The following FHL2 variants were observed in gnomAD, a reference collection of about 807,000 sequenced individuals.
The protein encoded by FHL2 is four and a half LIM domains protein 2.
Under a neutral mutation model 32.7 loss-of-function variants are expected in FHL2, and 20 were observed. That is an observed-to-expected ratio of 0.61 (90% CI 0.43 to 0.89). The LOEUF (loss-of-function observed/expected upper bound fraction) is 0.89, where lower values mean the gene tolerates loss of function less well. FHL2 is among the 40% of genes least tolerant of loss of function. The pLI, the probability that FHL2 is intolerant of heterozygous loss-of-function variation, is 0.00. For synonymous variants in FHL2, 123 were observed against 128.1 expected (o/e 0.96, Z 0.27); for missense variants, 311 against 358.6 (o/e 0.87, Z 1.07).
intron 1 of FHL2, among the ~76,000 whole-genome samples, chr2:105,419,123 C>T (rs1914748): frequency 0.48 from 72,699 of 152,062 alleles, 17,604 homozygotes; most frequent in Middle Eastern, 0.6. Context: ...ACATGTAGAT[C>T]TATAGAAGGC....
chr2:105,400,517 C>A (rs955321275), upstream of FHL2, among the ~76,000 whole-genome samples: 6 of 152,128 alleles, frequency 3.9e-5, no homozygotes, highest in Non-Finnish European at 7.3e-5. Context: ...AGGCTCCCAG[C>A]CCCTGACAGC....
At chr2:105,405,069 G>T (rs1230893649) in intron 1 of FHL2, among the ~76,000 whole-genome samples, 2 of 152,156 alleles carry the variant, frequency 1.3e-5, no homozygotes, top group Non-Finnish European at 2.9e-5. Flanking sequence ...GTTCATTTGG[G>T]CCAGTAAATG....
intron 1 of FHL2, among the ~76,000 whole-genome samples, chr2:105,435,826 C>T (rs1684591767): frequency 6.6e-6 from 1 of 152,016 alleles, no homozygotes; most frequent in Admixed American, 6.6e-5. Context: ...CTTCTCAAAA[C>T]ATAAATAAAT....
intron 1 of FHL2, among the ~76,000 whole-genome samples, chr2:105,416,241 A>G (rs1434513959): frequency 6.6e-6 from 1 of 152,250 alleles, no homozygotes; most frequent in East Asian, 1.9e-4. Context: ...ACTTTCCAAA[A>G]CAAAACAACT....
intron 1 of FHL2, among the ~76,000 whole-genome samples, chr2:105,429,157 G>T (rs1205483549): frequency 6.6e-6 from 1 of 152,124 alleles, no homozygotes; most frequent in Non-Finnish European, 1.5e-5. Flanking sequence ...ACTGCCACAA[G>T]GGGGAAAAAG....
intron 1 of FHL2, among the ~76,000 whole-genome samples, chr2:105,428,746 C>A (rs1684336685): frequency 6.6e-6 from 1 of 152,198 alleles, no homozygotes; most frequent in Admixed American, 6.5e-5. Flanking sequence ...CTCACTGGAG[C>A]ACTCTGAGCT....
downstream of FHL2, chr2:105,359,664 G>C (rs944778527): frequency 1.3e-5 from 2 of 152,212 alleles, no homozygotes; most frequent in African/African-American, 2.4e-5. Context: ...TTATTCCACA[G>C]ACTACTGCCA....
chr2:105,417,286 G>A (rs1233053233), intron 1 of FHL2, among the ~76,000 whole-genome samples: 1 of 152,044 alleles, frequency 6.6e-6, no homozygotes, highest in African/African-American at 2.4e-5. Flanking sequence ...GGAGGCTGAG[G>A]CAGGAGAATC....
chr2:105,390,238 A>T (rs781327055), intron 2 of FHL2: 1 of 153,722 alleles, frequency 6.5e-6, no homozygotes, highest in Non-Finnish European at 1.5e-5. Context: ...CTAAAAAAAT[A>T]AAAAAATAAA....
Position 105,386,537 on chromosome 2 carries a change from C to T in FHL2, c.-21G>A, listed in dbSNP as rs1256605869. 2 of 1,613,766 alleles carry T rather than the reference C, an allele frequency of 1.2e-6. No individual in the cohort carries two copies. The highest frequency in any genetic ancestry group is 1.1e-5 in the South Asian group (1 of 91,076). On this transcript the variant is annotated 5_prime_UTR_variant, in exon 3 of 7. Transcript: ENST00000530340. ...GTCATTTTGACTCCTGGCTTTTCAG[C>T]AACCTATCAAAAAGAAAAGAAAATC...
rs1573289795 is a variant in FHL2 at position 105,367,854 on chromosome 2, T to A, written c.332-115A>T. The A allele has an allele frequency of 3.8e-6, 4 of 1,061,278 alleles. No individual in the cohort carries two copies. The East Asian group carries it at 1.0e-4, about 27-fold the overall frequency. The allele number at this position is 1,061,278 out of a possible 1,614,324, so 65.7% of individuals were successfully genotyped here. A position where few individuals can be genotyped will look rare whatever the true frequency, so the allele number is the denominator to read the frequency against. Reference sequence around the variant, plus strand: ...AGTTTTATGACCAGAGCAAGCCACTTCAGCTCTTGAAGGCTCGCCTCTACA... The same window carrying A: ...AGTTTTATGACCAGAGCAAGCCACTACAGCTCTTGAAGGCTCGCCTCTACA... On this transcript the variant is annotated intron_variant, in intron 4 of 6. Transcript: ENST00000530340.
chr2:105,396,095 T>C (rs1468676965), intron 2 of FHL2, among the ~76,000 whole-genome samples: 1 of 152,186 alleles, frequency 6.6e-6, no homozygotes, highest in African/African-American at 2.4e-5. Flanking sequence ...ACTTTTTAAA[T>C]AGATGTTACC....
intron 2 of FHL2, among the ~76,000 whole-genome samples, chr2:105,394,144 A>G (rs1682946527): frequency 6.6e-6 from 1 of 151,726 alleles, no homozygotes. Flanking sequence ...TACGGATGGG[A>G]GTATCTACAC....
At chr2:105,400,159 G>C (rs1053147447), upstream of FHL2, among the ~76,000 whole-genome samples, 1 of 152,070 alleles carries the variant, frequency 6.6e-6, no homozygotes, top group Non-Finnish European at 1.5e-5. Flanking sequence ...CCAGATTTAC[G>C]GTGAGGAAAG....
chr2:105,386,309 C>T (rs779021352), intron 3 of FHL2, 52 bp downstream of exon 3: 2 of 1,591,280 alleles, frequency 1.3e-6, no homozygotes, highest in Admixed American at 3.4e-5. Flanking sequence ...CACAGAGAAA[C>T]CCGTGTTTCC....
At position 105,373,679 on chromosome 2, in the gene FHL2, A is replaced by T; in HGVS notation, c.211T>A (p.Cys71Ser). 1.2e-6 allele frequency: 2 copies of T among 1,614,214 alleles called. No homozygotes were observed. Among genetic ancestry groups the T allele is most frequent in the Non-Finnish European group, 1.7e-6 (2 of 1,180,040 alleles). The part of the protein sequence containing the change: ...WHEACFHCSQ[C>S]RNSLVDKPFA... ...GGCTTGTCCACCAGTGAGTTTCTGCACTGCGAGCAGTGGAAACAGGCTTCA... is the reference window on the plus strand; with the variant it reads ...GGCTTGTCCACCAGTGAGTTTCTGCTCTGCGAGCAGTGGAAACAGGCTTCA... Residue 71 changes from cysteine (C) to serine (S), a missense_variant, in exon 4 of 7, where the codon TGC (cysteine) becomes AGC (serine). Physicochemically the swap from Cys to Ser is moderately radical, Grantham distance 112. Transcript: ENST00000530340.
chr2:105,410,833 A>T (rs1044465719), intron 1 of FHL2, among the ~76,000 whole-genome samples: 15 of 152,206 alleles, frequency 9.9e-5, no homozygotes, highest in Non-Finnish European at 2.2e-4. Flanking sequence ...TTCAGATAGA[A>T]GTTAGCAGTG....
upstream of FHL2, among the ~76,000 whole-genome samples, chr2:105,401,107 G>A (rs1223634868): frequency 2.3e-5 from 3 of 132,096 alleles, no homozygotes; most frequent in African/African-American, 2.9e-5. Context: ...TCTAATCAAA[G>A]AATAAACTAG....
intron 1 of FHL2, among the ~76,000 whole-genome samples, chr2:105,432,328 T>G (rs1192102932): frequency 6.6e-6 from 1 of 152,202 alleles, no homozygotes. Flanking sequence ...GCTTTATGTC[T>G]TACACTCGCT....
Sources: gnomAD v4.1 joint callset for allele counts (sites outside exome capture counted in the v4.1 genomes callset) on GRCh38, gnomAD v4.1.1 for gene constraint, MANE v1.5 for transcripts, NCBI Gene and HGNC (gene_info 2026-07-23, HGNC 2026-07-21) for gene names.